Variants in SLC25A21 observed in about 807,000 individuals in gnomAD.
The protein encoded by SLC25A21 is mitochondrial 2-oxodicarboxylate carrier.
SLC25A21 carries 47 observed loss-of-function variants against 43.8 expected under a neutral mutation model. That is an observed-to-expected ratio of 1.07 (90% CI 0.85 to 1.37). The LOEUF is 1.37. SLC25A21 is among the 40% of genes most tolerant of loss of function. The pLI is 0.00. For missense variants in SLC25A21, 352 were observed against 350.2 expected, an observed-to-expected ratio of 1.00 and a Z score of -0.04; for synonymous variants, 131 against 121.3, an observed-to-expected ratio of 1.08 and a Z score of -0.52.
intron 1 of SLC25A21, among the ~76,000 whole-genome samples, chr14:37,149,567 C>T (rs774470281): frequency 6.6e-6 from 1 of 151,992 alleles, no homozygotes; most frequent in Admixed American, 6.6e-5. Context: ...TGGTGGTGGG[C>T]GCCTGTAGTC....
At chr14:37,142,285 A>T (rs554781572) in intron 1 of SLC25A21, among the ~76,000 whole-genome samples, 1 of 152,346 alleles carries the variant, frequency 6.6e-6, no homozygotes, top group East Asian at 1.9e-4. Context: ...ACAGAACTCA[A>T]ACAGCTCTGT....
At chr14:36,993,074 T>C (rs1407947121) in intron 1 of SLC25A21, among the ~76,000 whole-genome samples, 5 of 152,242 alleles carry the variant, frequency 3.3e-5, no homozygotes, top group Admixed American at 2.0e-4. Context: ...AGTGAACATA[T>C]TTATTATTGC....
chr14:37,018,394 A>T (rs1960909382), intron 1 of SLC25A21, among the ~76,000 whole-genome samples: 1 of 152,048 alleles, frequency 6.6e-6, no homozygotes. Flanking sequence ...AATTATCTTG[A>T]TTATGAGAAT....
intron 3 of SLC25A21, among the ~76,000 whole-genome samples, chr14:36,746,218 G>A (rs1885490716): frequency 6.6e-6 from 1 of 152,142 alleles, no homozygotes; most frequent in East Asian, 1.9e-4. Context: ...TCCGTCAACA[G>A]ATGACTGGAT....
intron 4 of SLC25A21, among the ~76,000 whole-genome samples, chr14:36,730,973 G>GT (rs869254850): frequency 0.037 from 3,000 of 80,024 alleles, 78 homozygotes; most frequent in African/African-American, 0.1. Context: ...ATAATCTTAG[G>GT]TTTTTTTTTT....
At chr14:36,894,659 C>T (rs1183300) in intron 1 of SLC25A21, among the ~76,000 whole-genome samples, 74,933 of 151,618 alleles carry the variant, frequency 0.49, 20,696 homozygotes, top group East Asian at 0.99. Context: ...CCATTCAGTA[C>T]GATATTGGCT....
intron 1 of SLC25A21, among the ~76,000 whole-genome samples, chr14:37,058,366 A>G (rs1358620514): frequency 6.6e-6 from 1 of 152,248 alleles, no homozygotes; most frequent in African/African-American, 2.4e-5. Context: ...ACATCTGTGT[A>G]TGCAACTATT....
intron 1 of SLC25A21, among the ~76,000 whole-genome samples, chr14:36,896,251 T>G (rs1891234942): frequency 6.6e-6 from 1 of 152,224 alleles, no homozygotes; most frequent in Admixed American, 6.5e-5. Flanking sequence ...ATATTTAGGA[T>G]AGTTAGGTCT....
At chr14:36,808,136 TTTCTGAAGGC>T (rs1888110809) in intron 3 of SLC25A21, among the ~76,000 whole-genome samples, 2 of 152,224 alleles carry the variant, frequency 1.3e-5, no homozygotes, top group South Asian at 4.1e-4. Context: ...GAATACCATA[TTTCTGAAGGC>T]ACCAGCAATC....
intron 1 of SLC25A21, among the ~76,000 whole-genome samples, chr14:36,954,362 T>G (rs1263743173): frequency 1.3e-5 from 2 of 152,072 alleles, no homozygotes; most frequent in Non-Finnish European, 2.9e-5. Flanking sequence ...TGCTAAAGAC[T>G]TTCCATTTCT....
At chr14:36,883,856 T>G (rs200849887) in intron 1 of SLC25A21, among the ~76,000 whole-genome samples, 1 of 152,270 alleles carries the variant, frequency 6.6e-6, no homozygotes, top group South Asian at 2.1e-4. Context: ...CAAATAATAA[T>G]TTTATATGTT....
At chr14:37,110,416 TC>T (rs1256157379) in intron 1 of SLC25A21, among the ~76,000 whole-genome samples, 1 of 152,196 alleles carries the variant, frequency 6.6e-6, no homozygotes, top group African/African-American at 2.4e-5. Context: ...ACTAAGTACA[TC>T]CACTTGAAAT....
chr14:37,094,403 T>A (rs906761589), intron 1 of SLC25A21, among the ~76,000 whole-genome samples: 1 of 152,196 alleles, frequency 6.6e-6, no homozygotes, highest in African/African-American at 2.4e-5. Flanking sequence ...ATGGAAAAAA[T>A]TAAAATATTT....
In SLC25A21 at chr14:36,840,196, G is replaced by A. The variant is rs891542699; in HGVS notation, c.120-26195C>T. Reference sequence around the variant, plus strand: ...CAGAGTAAAACTGAACTATGGTTAAGAATAAAAGCGAGGTTTTTTTTTTTA... The same window carrying A: ...CAGAGTAAAACTGAACTATGGTTAAAAATAAAAGCGAGGTTTTTTTTTTTA... On this transcript the variant is annotated intron_variant, in intron 2 of 9. Transcript: ENST00000331299. Among the ~76,000 whole-genome samples the A allele has an allele frequency of 2.0e-5, 3 of 151,012 alleles. No homozygotes were observed. In the East Asian group the frequency reaches 5.8e-4, roughly 29 times the overall value.
rs565255313 is a variant in SLC25A21, at chr14:36,911,141, T to A, written c.71-36137A>T. ...TACTACTGCTGATACAACTACTAAT[T>A]CTATTACTACTACTATAACTACTAC... On this transcript the variant is annotated intron_variant, in intron 1 of 9. Transcript: ENST00000331299. Among the ~76,000 whole-genome samples, 12 of 152,248 alleles carry A rather than the reference T, an allele frequency of 7.9e-5. No individual in the cohort carries two copies. The East Asian group carries it at 2.3e-3, about 29-fold the overall frequency.
chr14:37,022,553 C>G (rs1961009271), intron 1 of SLC25A21, among the ~76,000 whole-genome samples: 1 of 151,914 alleles, frequency 6.6e-6, no homozygotes, highest in East Asian at 1.9e-4. Flanking sequence ...AAGTTCTTCC[C>G]AATCATCATC....
chr14:36,780,986 T>G (rs1030908531), intron 3 of SLC25A21, among the ~76,000 whole-genome samples: 3 of 152,144 alleles, frequency 2.0e-5, no homozygotes, highest in African/African-American at 4.8e-5. Flanking sequence ...CAATATTTAC[T>G]TTATGTATTT....
At chr14:36,846,438 A>G (rs770678164) in intron 2 of SLC25A21, among the ~76,000 whole-genome samples, 4 of 152,050 alleles carry the variant, frequency 2.6e-5, no homozygotes, top group African/African-American at 7.3e-5. Context: ...CTAGAGTGCA[A>G]TGCTGTGATC....
intron 1 of SLC25A21, among the ~76,000 whole-genome samples, chr14:36,963,314 A>G (rs920626220): frequency 6.6e-6 from 1 of 152,154 alleles, no homozygotes. Context: ...TGCTTAGATC[A>G]TGTGAACAGA....
Sources: gnomAD v4.1 joint callset for allele counts (sites outside exome capture counted in the v4.1 genomes callset) on GRCh38, gnomAD v4.1.1 for gene constraint, MANE v1.5 for transcripts, NCBI Gene and HGNC (gene_info 2026-07-23, HGNC 2026-07-21) for gene names.